The following TRIM9 variants were observed in gnomAD, a reference collection of about 807,000 sequenced individuals.
TRIM9 encodes tripartite motif containing 9, also known as E3 ubiquitin-protein ligase TRIM9.
A neutral mutation model predicts 78.3 loss-of-function variants in TRIM9; 26 were observed. That is an observed-to-expected ratio of 0.33 (90% CI 0.24 to 0.46). TRIM9 has a LOEUF of 0.46. TRIM9 is among the 20% of genes least tolerant of loss of function. TRIM9 has a pLI of 1.00. For missense variants in TRIM9, 787 were observed against 1,036.4 expected, an observed-to-expected ratio of 0.76 and a Z score of 3.30; for synonymous variants, 398 against 416.5, an observed-to-expected ratio of 0.96 and a Z score of 0.54.
At chr14:51,058,989 C>T (rs977598512) in intron 1 of TRIM9, among the ~76,000 whole-genome samples, 26 of 152,192 alleles carry the variant, frequency 1.7e-4, no homozygotes, top group African/African-American at 6.0e-4. Flanking sequence ...GCTGACTACA[C>T]AGTTTCTCTA....
intron 3 of TRIM9, among the ~76,000 whole-genome samples, chr14:51,011,262 T>G (rs1291731881): frequency 2.0e-5 from 3 of 152,224 alleles, no homozygotes; most frequent in Non-Finnish European, 4.4e-5. Flanking sequence ...TGTCTGTGCT[T>G]GGTGATGAAT....
Position 50,985,809 on chromosome 14 carries a change from G to A in TRIM9, c.1792+147C>T, listed in dbSNP as rs115708511. 1,383 of 665,190 alleles carry A rather than the reference G, an allele frequency of 2.1e-3. 14 individuals carry two copies. The African/African-American group carries it at 0.023, about 11-fold the overall frequency. 41.2% of individuals were successfully genotyped at this position (665,190 alleles called of 1,614,324 possible). ...GAACGCCACAAAGCTCCACCATCCC[G>A]ATGCTCCTCATACGGAAAGCAGGCC... is the stretch of plus-strand genomic sequence containing the variant. On this transcript the variant is annotated intron_variant, in intron 8 of 12. Coordinates refer to ENST00000684578, the MANE Select transcript of TRIM9 (RefSeq NM_001387360.1).
intron 7 of TRIM9, among the ~76,000 whole-genome samples, chr14:50,991,232 C>T (rs1196127656): frequency 1.3e-5 from 2 of 152,252 alleles, no homozygotes; most frequent in Middle Eastern, 3.4e-3. Context: ...AACTGCTTTC[C>T]AGGGTATCAG....
At chr14:50,977,767 G>C (rs2051254040) in intron 12 of TRIM9, among the ~76,000 whole-genome samples, 1 of 152,138 alleles carries the variant, frequency 6.6e-6, no homozygotes, top group South Asian at 2.1e-4. Context: ...ATTGTAATTA[G>C]GGCAAACATT....
chr14:50,982,239 G>A (rs966804413), intron 10 of TRIM9, 136 bp from the exon 11 acceptor site: 2 of 910,548 alleles, frequency 2.2e-6, no homozygotes, highest in African/African-American at 3.3e-5. Flanking sequence ...CCAGGGCCAG[G>A]GCAGACAGGG....
intron 1 of TRIM9, among the ~76,000 whole-genome samples, chr14:51,085,740 G>T (rs1256073531): frequency 6.6e-6 from 1 of 152,092 alleles, no homozygotes; most frequent in Non-Finnish European, 1.5e-5. Context: ...TTAGTTTATG[G>T]TTTTTTTGGT....
chr14:51,094,992 C>A lies in TRIM9; in HGVS notation c.-53G>T, dbSNP rs2064804605. The A allele has an allele frequency of 7.6e-7, 1 of 1,321,092 alleles. No homozygotes were observed. Among genetic ancestry groups the A allele is most frequent in the Non-Finnish European group, 9.8e-7 (1 of 1,020,882 alleles). 81.8% of individuals were successfully genotyped at this position (1,321,092 alleles called of 1,614,324 possible). On this transcript the variant is annotated 5_prime_UTR_variant, in exon 1 of 13. Transcript: ENST00000684578. The stretch of plus-strand genomic sequence containing the variant: ...CGGCTGCAGCGGGTGCCTGAGCTGG[C>A]GAGGTGGCCGACGGGCCCGTCTTGT...
rs572287093 is a variant in TRIM9 at position 51,005,207 on chromosome 14, C to G, written c.1306+3873G>C. On this transcript the variant is annotated intron_variant, in intron 5 of 12. Coordinates refer to ENST00000684578, the MANE Select transcript of TRIM9 (RefSeq NM_001387360.1). The stretch of plus-strand genomic sequence containing the variant: ...GTGTGCTCATTCCATCCCCGCTAAC[C>G]CTCTGGCAGCTTTCCCCCTATGATT... Among the ~76,000 whole-genome samples the G allele has an allele frequency of 1.1e-4, 16 of 152,256 alleles. No individual in the cohort carries two copies. The South Asian group carries it at 3.3e-3, about 32-fold the overall frequency.
At chr14:51,038,292 A>T (rs746342824) in intron 1 of TRIM9, among the ~76,000 whole-genome samples, 4 of 152,198 alleles carry the variant, frequency 2.6e-5, no homozygotes, top group Non-Finnish European at 4.4e-5. Context: ...GAGCATCCGG[A>T]AAGGAACTCA....
chr14:50,991,966 C>T (rs1488232824), intron 7 of TRIM9, among the ~76,000 whole-genome samples: 2 of 152,294 alleles, frequency 1.3e-5, no homozygotes, highest in African/African-American at 2.4e-5. Flanking sequence ...AAAGCTTATG[C>T]CACTGGCCCC....
chr14:51,095,041 G>T lies in TRIM9; in HGVS notation c.-102C>A. 2 of 879,644 alleles carry T rather than the reference G, an allele frequency of 2.3e-6. No individual in the cohort carries two copies. The highest frequency in any genetic ancestry group is 4.0e-5 in the South Asian group (1 of 25,276). The allele number at this position is 879,644 out of a possible 1,614,324, so 54.5% of individuals were successfully genotyped here. On this transcript the variant is annotated 5_prime_UTR_variant, in exon 1 of 13. Coordinates refer to ENST00000684578, the MANE Select transcript of TRIM9 (RefSeq NM_001387360.1). ...GTCCAGCACCCTGGCCAGCGGCGGC[G>T]GCTGTGGTGGTGGTGCCTTCCCGCG...
chr14:50,997,412 G>C (rs2054358188), intron 7 of TRIM9: 8 of 985,300 alleles, frequency 8.1e-6, no homozygotes, highest in African/African-American at 1.7e-5. Context: ...GAAAATGGCG[G>C]GTAATGCGAA....
intron 1 of TRIM9, among the ~76,000 whole-genome samples, chr14:51,080,184 T>C (rs980399637): frequency 6.6e-6 from 1 of 151,624 alleles, no homozygotes; most frequent in Non-Finnish European, 1.5e-5. Flanking sequence ...TACCAATAGA[T>C]TGATCTTTGG....
chr14:50,991,743 CT>C (rs546802631), intron 7 of TRIM9, among the ~76,000 whole-genome samples: 211 of 152,262 alleles, frequency 1.4e-3, no homozygotes, highest in African/African-American at 4.6e-3. Flanking sequence ...CACAAAGGTA[CT>C]AATTGTAAAG....
intron 5 of TRIM9, among the ~76,000 whole-genome samples, chr14:51,005,136 T>A (rs2055596417): frequency 6.6e-6 from 1 of 152,118 alleles, no homozygotes; most frequent in Admixed American, 6.5e-5. Flanking sequence ...AGGTTTTGAG[T>A]CCATGCATTT....
At chr14:50,978,502 CTCTG>C (rs916980431) in intron 12 of TRIM9, among the ~76,000 whole-genome samples, 4 of 152,198 alleles carry the variant, frequency 2.6e-5, no homozygotes, top group African/African-American at 4.8e-5. Flanking sequence ...AGGCTGTTCC[CTCTG>C]TCTGGAAGGC....
At chr14:51,050,228 A>C (rs191157982) in intron 1 of TRIM9, among the ~76,000 whole-genome samples, 1 of 152,108 alleles carries the variant, frequency 6.6e-6, no homozygotes, top group Non-Finnish European at 1.5e-5. Context: ...TCCCCACCCA[A>C]ATCTCATCTT....
intron 6 of TRIM9, among the ~76,000 whole-genome samples, chr14:50,999,817 T>C (rs1051457425): frequency 1.7e-4 from 26 of 151,842 alleles, no homozygotes; most frequent in African/African-American, 6.1e-4. Flanking sequence ...GGATGGAAAG[T>C]AGGGTGGCAG....
intron 1 of TRIM9, among the ~76,000 whole-genome samples, chr14:51,075,946 C>T (rs2062743295): frequency 6.6e-6 from 1 of 152,174 alleles, no homozygotes; most frequent in South Asian, 2.1e-4. Context: ...AAATACACTT[C>T]TATTTATTAT....
Sources: allele counts gnomAD v4.1 joint callset (sites outside exome capture counted in the v4.1 genomes callset), GRCh38; gene constraint gnomAD v4.1.1; transcripts MANE v1.5; gene names NCBI Gene and HGNC (gene_info 2026-07-23, HGNC 2026-07-21).